SIK2: variants seen among roughly 807,000 people sequenced by gnomAD.
SIK2 encodes salt inducible kinase 2, also known as serine/threonine-protein kinase SIK2.
A neutral mutation model predicts 103.2 loss-of-function variants in SIK2; 29 were observed. The observed-to-expected ratio is 0.28, with a 90% confidence interval of 0.21 to 0.38. SIK2 has a LOEUF of 0.38. SIK2 is among the 10% of genes least tolerant of loss of function. The probability of loss-of-function intolerance (pLI) is 1.00; values close to 1 mark genes in which losing one functional copy is unlikely to be tolerated. For synonymous variants in SIK2, 412 were observed against 446.1 expected (o/e 0.92, Z 0.96); for missense variants, 879 against 1,171.0 (o/e 0.75, Z 3.64).
rs1591628626 is a variant in SIK2, at chr11:111,701,604, G to A, written c.727+29G>A. ...ATCAACTTTTCATCTTATTAATGGT[G>A]TTTTACAGTGTTAGTGCTCCAAGTG... On this transcript the variant is annotated intron_variant, in intron 6 of 14. Coordinates refer to ENST00000304987, the MANE Select transcript of SIK2 (RefSeq NM_015191.3). The surrounding 1 kb of genome is among the most constrained non-coding windows in gnomAD (Gnocchi z 4.2). 1 of 1,610,350 alleles carries A rather than the reference G, an allele frequency of 6.2e-7. No homozygotes were observed. The highest frequency in any genetic ancestry group is 8.5e-7 in the Non-Finnish European group (1 of 1,177,628).
intron 3 of SIK2, among the ~76,000 whole-genome samples, chr11:111,634,193 T>C (rs1230319454): frequency 1.3e-5 from 2 of 151,580 alleles, no homozygotes; most frequent in Admixed American, 1.3e-4. Flanking sequence ...ATTGATTCAT[T>C]TCCTGTCTTT....
intron 4 of SIK2, among the ~76,000 whole-genome samples, chr11:111,694,224 C>T (rs898198020): frequency 1.3e-5 from 2 of 152,104 alleles, no homozygotes; most frequent in South Asian, 2.1e-4. Context: ...ATAACCCTCT[C>T]GGCATGTTTT....
chr11:111,625,063 A>G (rs1321792455), intron 3 of SIK2, among the ~76,000 whole-genome samples: 2 of 152,196 alleles, frequency 1.3e-5, no homozygotes, highest in Non-Finnish European at 2.9e-5. Context: ...GAGGAAGAAC[A>G]GTAGAAGAGG....
intron 3 of SIK2, chr11:111,672,018 CT>C: frequency 5.8e-6 from 3 of 519,928 alleles, no homozygotes; most frequent in Non-Finnish European, 1.1e-5. Context: ...GGAGGCTCCA[CT>C]TGGTCTCAAG....
At chr11:111,634,612 C>G (rs911871573) in intron 3 of SIK2, among the ~76,000 whole-genome samples, 1 of 152,162 alleles carries the variant, frequency 6.6e-6, no homozygotes, top group African/African-American at 2.4e-5. Context: ...CCAGACTTGT[C>G]CCTCTTCTAA....
chr11:111,720,024 T>C (rs1943755338), intron 10 of SIK2, 21 bp downstream of exon 10: 1 of 1,599,512 alleles, frequency 6.3e-7, no homozygotes, highest in Non-Finnish European at 8.5e-7. Context: ...GGAGCGACAC[T>C]AGCTTGAGTC....
intron 1 of SIK2, among the ~76,000 whole-genome samples, chr11:111,614,104 CAG>C (rs1168047972): frequency 3.1e-5 from 4 of 128,088 alleles, no homozygotes; most frequent in African/African-American, 1.1e-4. Context: ...TTTTTTTTGA[CAG>C]AGTCTCGCTC....
At chr11:111,614,569 T>C (rs1207494890) in intron 1 of SIK2, among the ~76,000 whole-genome samples, 2 of 152,160 alleles carry the variant, frequency 1.3e-5, no homozygotes, top group Non-Finnish European at 2.9e-5. Context: ...ACTCATTAAG[T>C]GAAGTGGATC....
chr11:111,685,166 G>C (rs780868999), intron 3 of SIK2, among the ~76,000 whole-genome samples: 1 of 152,172 alleles, frequency 6.6e-6, no homozygotes, highest in Non-Finnish European at 1.5e-5. Flanking sequence ...TTTTTCCCAG[G>C]TTGGGGAGGA....
intron 3 of SIK2, among the ~76,000 whole-genome samples, chr11:111,674,839 C>A (rs1942681466): frequency 6.6e-6 from 1 of 152,058 alleles, no homozygotes; most frequent in Non-Finnish European, 1.5e-5. Context: ...CTCCACCTCC[C>A]AGGTTCAAGC....
At position 111,709,719 on chromosome 11, in the gene SIK2, C is replaced by T. The variant is rs1424083329; in HGVS notation, c.1102-2492C>T. ...TTGTTCCAAAAAGACTCCTTTGGTCCCCTCAGTGATCACAAGACTCCTAAA... is the reference window on the plus strand; with the variant it reads ...TTGTTCCAAAAAGACTCCTTTGGTCTCCTCAGTGATCACAAGACTCCTAAA... On this transcript the variant is annotated intron_variant, in intron 8 of 14. Coordinates refer to ENST00000304987, the MANE Select transcript of SIK2 (RefSeq NM_015191.3). Among the ~76,000 whole-genome samples, 3 of 152,112 alleles carry T rather than the reference C, an allele frequency of 2.0e-5. No individual in the cohort carries two copies. In the East Asian group the frequency reaches 5.8e-4, roughly 29 times the overall value.
At chr11:111,675,924 A>T (rs1044613713) in intron 3 of SIK2, among the ~76,000 whole-genome samples, 2 of 151,972 alleles carry the variant, frequency 1.3e-5, no homozygotes. Context: ...CCTCAAGTAG[A>T]CCCCATTGTC....
intron 3 of SIK2, among the ~76,000 whole-genome samples, chr11:111,621,756 A>G (rs1438584344): frequency 6.6e-6 from 1 of 152,128 alleles, no homozygotes; most frequent in Non-Finnish European, 1.5e-5. Flanking sequence ...CCTACTAAAA[A>G]TACAAAAATT....
At chr11:111,642,640 T>C (rs1007590764) in intron 3 of SIK2, among the ~76,000 whole-genome samples, 3 of 152,124 alleles carry the variant, frequency 2.0e-5, no homozygotes, top group Non-Finnish European at 4.4e-5. Context: ...GAGTACATCA[T>C]TGGCCTTTGA....
At chr11:111,720,159 G>A (rs942602620) in intron 10 of SIK2, among the ~76,000 whole-genome samples, 156 bp downstream of exon 10, 2 of 152,162 alleles carry the variant, frequency 1.3e-5, no homozygotes, top group African/African-American at 4.8e-5. Flanking sequence ...ACACAGCCTG[G>A]CAGCAGCTAT....
chr11:111,606,606 A>T (rs948530293), intron 1 of SIK2, among the ~76,000 whole-genome samples: 7 of 152,142 alleles, frequency 4.6e-5, no homozygotes, highest in African/African-American at 1.7e-4. Context: ...AATGAATATT[A>T]TGCAATTTTC....
At position 111,724,120 on chromosome 11, in the gene SIK2, G is replaced by T; in HGVS notation, c.2772G>T (p.Leu924=). The change falls in exon 15 of 15, where the codon CTG becomes CTT. Residue 924 remains leucine (L), a synonymous_variant. Transcript: ENST00000304987. ...AVDPQHNGYV[L]VN Reference sequence around the variant, plus strand: ...ATCCACAACACAACGGGTATGTCCTGGTGAATTAGTCTCAGCACAGGAATT... The same window carrying T: ...ATCCACAACACAACGGGTATGTCCTTGTGAATTAGTCTCAGCACAGGAATT... 1 of 1,608,994 alleles carries T rather than the reference G, an allele frequency of 6.2e-7. No homozygotes were observed.
intron 3 of SIK2, among the ~76,000 whole-genome samples, chr11:111,645,547 A>G (rs555228993): frequency 6.6e-6 from 1 of 152,360 alleles, no homozygotes; most frequent in Admixed American, 6.5e-5. Flanking sequence ...CAGGCCAGGC[A>G]CAGTGGCTTA....
At chr11:111,709,566 C>A (rs752110927) in intron 8 of SIK2, among the ~76,000 whole-genome samples, 1 of 152,172 alleles carries the variant, frequency 6.6e-6, no homozygotes, top group Non-Finnish European at 1.5e-5. Flanking sequence ...ATAATCATTG[C>A]GTATTGACAC....
Sources: allele counts gnomAD v4.1 joint callset (sites outside exome capture counted in the v4.1 genomes callset), GRCh38; gene constraint gnomAD v4.1.1; non-coding constraint Gnocchi (gnomAD v3.1); transcripts MANE v1.5; gene names NCBI Gene and HGNC (gene_info 2026-07-23, HGNC 2026-07-21).